KLHL32: variants seen among roughly 807,000 people sequenced by gnomAD.
The protein encoded by KLHL32 is kelch-like protein 32.
In KLHL32, 35 loss-of-function variants were observed where a neutral mutation model predicts 64.8. The observed-to-expected ratio is 0.54, with a 90% CI of 0.41 to 0.72. The LOEUF (loss-of-function observed/expected upper bound fraction) is 0.72, where lower values mean the gene tolerates loss of function less well. Ranked by LOEUF, KLHL32 falls within the 30% of genes least tolerant of loss-of-function variation. The pLI is 0.00. For synonymous variants in KLHL32, 259 were observed against 281.0 expected, an observed-to-expected ratio of 0.92 and a Z score of 0.78; for missense variants, 589 against 768.5, an observed-to-expected ratio of 0.77 and a Z score of 2.76.
intron 6 of KLHL32, among the ~76,000 whole-genome samples, chr6:97,108,773 T>C (rs1183801618): frequency 6.6e-6 from 1 of 152,244 alleles, no homozygotes; most frequent in Non-Finnish European, 1.5e-5. Context: ...CATCGATTTA[T>C]AGACTGTATA....
chr6:96,918,210 T>C, the KLHL32 span, among the ~76,000 whole-genome samples: 1 of 152,216 alleles, frequency 6.6e-6, no homozygotes, highest in Non-Finnish European at 1.5e-5. Flanking sequence ...TTTCTTGTCC[T>C]AGCAAGGATG....
intron 6 of KLHL32, among the ~76,000 whole-genome samples, chr6:97,102,041 C>T (rs528046109): frequency 2.6e-5 from 4 of 152,276 alleles, no homozygotes; most frequent in African/African-American, 4.8e-5. Flanking sequence ...TTCAGTCTTC[C>T]GTAGAACCCT....
chr6:97,131,011 C>A, intron 9 of KLHL32, 62 bp downstream of exon 9: 1 of 1,454,888 alleles, frequency 6.9e-7, no homozygotes, highest in Non-Finnish European at 9.5e-7. Flanking sequence ...AAACTTGTTT[C>A]ATAGACATCT....
chr6:96,999,322 G>C (rs1329031513), intron 3 of KLHL32, among the ~76,000 whole-genome samples: 1 of 152,146 alleles, frequency 6.6e-6, no homozygotes, highest in Non-Finnish European at 1.5e-5. Context: ...TTTGAGCCTG[G>C]GAAGTCGAGG....
In KLHL32 at chr6:97,139,052, T is replaced by A. The variant is rs1464592696; in HGVS notation, c.1702-69T>A. On this transcript the variant is annotated intron_variant, in intron 10 of 10. Coordinates refer to ENST00000369261, the MANE Select transcript of KLHL32 (RefSeq NM_052904.4). ...CTGAATTTAAGTTCAGAATTTCTTT[T>A]ATGTATACATAGCTTTATTTTGAGC... The A allele has an allele frequency of 9.2e-6, 13 of 1,418,736 alleles. No individual in the cohort carries two copies. The East Asian group carries it at 2.8e-4, about 31-fold the overall frequency. 87.9% of individuals were successfully genotyped at this position (1,418,736 alleles called of 1,614,324 possible).
intron 3 of KLHL32, chr6:96,999,491 T>C (rs1409936289): frequency 2.2e-6 from 2 of 922,414 alleles, no homozygotes; most frequent in African/African-American, 3.6e-5. Context: ...TGTACTCATC[T>C]GTTTTCACCA....
chr6:97,000,784 A>G (rs1413041144), intron 3 of KLHL32, among the ~76,000 whole-genome samples: 2 of 152,224 alleles, frequency 1.3e-5, no homozygotes, highest in Non-Finnish European at 2.9e-5. Flanking sequence ...GAAGCAACGA[A>G]GATGTTACTC....
At chr6:96,938,120 A>G (rs1232057785) in intron 1 of KLHL32, among the ~76,000 whole-genome samples, 2 of 152,236 alleles carry the variant, frequency 1.3e-5, no homozygotes, top group East Asian at 3.8e-4. Flanking sequence ...CTAGGAGTTG[A>G]CTATTTGAAG....
At chr6:96,958,870 G>T (rs1486409704) in intron 1 of KLHL32, among the ~76,000 whole-genome samples, 1 of 152,144 alleles carries the variant, frequency 6.6e-6, no homozygotes, top group Non-Finnish European at 1.5e-5. Context: ...GCATGCAGGT[G>T]CACACACAGC....
rs61012363 is a variant in KLHL32 at position 96,984,966 on chromosome 6, C to T, written c.204+8789C>T. Among the ~76,000 whole-genome samples, 291 of 144,170 alleles carry T rather than the reference C, an allele frequency of 2.0e-3. 2 individuals carry two copies. The highest frequency in any genetic ancestry group is 4.2e-3 in the Admixed American group (59 of 14,166). The allele number at this position is 144,170 out of a possible 152,430, so 94.6% of individuals were successfully genotyped here. A position where few individuals can be genotyped will look rare whatever the true frequency, so the allele number is the denominator to read the frequency against. On this transcript the variant is annotated intron_variant, in intron 3 of 10. Transcript: ENST00000369261. ...TTAGTTGATGCAGTTTCTTCCTAGC[C>T]TTGATGGTCTTTACAATTTGGCATG...
rs551086179 is a variant in KLHL32, at chr6:97,056,395, A to G, written c.313-8233A>G. ...GCTGGGATTACAAACGTGAGCCACC[A>G]GGCCCGGCCCACCAGCCTGCCTATT... On this transcript the variant is annotated intron_variant, in intron 4 of 10. Transcript: ENST00000369261. 2.5e-3 allele frequency among the ~76,000 whole-genome samples: 382 copies of G among 152,050 alleles called. 4 individuals are homozygous for G. The highest frequency in any genetic ancestry group is 5.3e-3 in the African/African-American group (220 of 41,426).
chr6:97,007,215 G>A (rs1487888422), intron 3 of KLHL32, among the ~76,000 whole-genome samples: 1 of 151,090 alleles, frequency 6.6e-6, no homozygotes, highest in Non-Finnish European at 1.5e-5. Context: ...ATTTATTTTT[G>A]TCTGACTGAA....
intron 4 of KLHL32, among the ~76,000 whole-genome samples, chr6:97,051,440 G>A (rs1419602285): frequency 3.3e-5 from 5 of 152,182 alleles, no homozygotes; most frequent in African/African-American, 9.7e-5. Flanking sequence ...TAGAAATGGC[G>A]AGTATCCAGT....
chr6:97,121,506 A>C (rs1798366492), intron 7 of KLHL32, among the ~76,000 whole-genome samples: 1 of 152,194 alleles, frequency 6.6e-6, no homozygotes, highest in Middle Eastern at 3.2e-3. Context: ...CTAAAATTTA[A>C]AATGTAAAGA....
chr6:96,905,269 A>C, the KLHL32 span, among the ~76,000 whole-genome samples: 1,741 of 152,352 alleles, frequency 0.011, 27 homozygotes, highest in African/African-American at 0.04. Context: ...GAAAATAAAG[A>C]ATATAGAACA....
the KLHL32 span, among the ~76,000 whole-genome samples, chr6:96,909,279 A>G: frequency 5.3e-5 from 8 of 152,174 alleles, no homozygotes; most frequent in Non-Finnish European, 1.2e-4. Flanking sequence ...TAGAAGATAG[A>G]AGAGAAAAAC....
chr6:97,014,926 G>T (rs1780940616), intron 3 of KLHL32, among the ~76,000 whole-genome samples: 1 of 152,166 alleles, frequency 6.6e-6, no homozygotes, highest in South Asian at 2.1e-4. Context: ...ATCCCCATTT[G>T]TCAGGGGAAG....
intron 1 of KLHL32, among the ~76,000 whole-genome samples, chr6:96,926,582 T>TA (rs1446909981): frequency 1.3e-5 from 2 of 152,148 alleles, no homozygotes; most frequent in East Asian, 3.9e-4. Context: ...TCCTTGCCTT[T>TA]AAAAAAAAGT....
At chr6:97,031,681 G>A (rs1783576410) in intron 3 of KLHL32, among the ~76,000 whole-genome samples, 1 of 152,134 alleles carries the variant, frequency 6.6e-6, no homozygotes, top group Non-Finnish European at 1.5e-5. Flanking sequence ...CAAAGTGGAA[G>A]TTCTGTATTT....
Sources: allele counts gnomAD v4.1 joint callset (sites outside exome capture counted in the v4.1 genomes callset), GRCh38; gene constraint gnomAD v4.1.1; transcripts MANE v1.5; gene names NCBI Gene and HGNC (gene_info 2026-07-23, HGNC 2026-07-21).